Variants in ANO10 observed in about 807,000 individuals in gnomAD.
ANO10 encodes anoctamin-10.
In ANO10, 77 loss-of-function variants were observed where a neutral mutation model predicts 74.7. The observed-to-expected ratio is 1.03, with a 90% CI of 0.86 to 1.25. ANO10 has a LOEUF of 1.25. Among genes scored for constraint, ANO10 ranks in the 50% most tolerant of loss-of-function variants. The probability of loss-of-function intolerance (pLI) is 0.00; values close to 1 mark genes in which losing one functional copy is unlikely to be tolerated. For missense variants in ANO10, 721 were observed against 778.1 expected (o/e 0.93, Z 0.87); for synonymous variants, 279 against 284.9 (o/e 0.98, Z 0.21).
At chr3:43,395,143 AGGTAATTATCAG>A (rs1575653701) in intron 12 of ANO10, among the ~76,000 whole-genome samples, 1 of 152,188 alleles carries the variant, frequency 6.6e-6, no homozygotes, top group South Asian at 2.1e-4. Flanking sequence ...TGTTATTATC[AGGTAATTATCAG>A]GGTAATTATC....
intron 11 of ANO10, among the ~76,000 whole-genome samples, chr3:43,493,523 C>T (rs537614122): frequency 6.6e-6 from 1 of 151,786 alleles, no homozygotes; most frequent in South Asian, 2.1e-4. Flanking sequence ...AAAATAATGG[C>T]AACTAAACAG....
intron 11 of ANO10, among the ~76,000 whole-genome samples, chr3:43,516,168 G>A (rs966698226): frequency 6.6e-6 from 1 of 152,210 alleles, no homozygotes; most frequent in Admixed American, 6.5e-5. Flanking sequence ...TCAACTAGGG[G>A]AGAGTGAATA....
intron 1 of ANO10, among the ~76,000 whole-genome samples, chr3:43,639,546 C>G (rs922496941): frequency 6.6e-6 from 1 of 152,076 alleles, no homozygotes; most frequent in Non-Finnish European, 1.5e-5. Flanking sequence ...GGGCGGATCA[C>G]GAGGTCAGGA....
chr3:43,681,743 T>C (rs1400787262), intron 1 of ANO10, among the ~76,000 whole-genome samples: 1 of 152,150 alleles, frequency 6.6e-6, no homozygotes, highest in South Asian at 2.1e-4. Context: ...CAGACCACAG[T>C]GCAATCAAAC....
intron 9 of ANO10, among the ~76,000 whole-genome samples, chr3:43,557,199 A>T (rs1249499158): frequency 6.6e-6 from 1 of 152,096 alleles, no homozygotes; most frequent in Non-Finnish European, 1.5e-5. Flanking sequence ...AAGCCAACCG[A>T]ATGATCAAAC....
chr3:43,512,018 C>T (rs1451104024), intron 11 of ANO10, among the ~76,000 whole-genome samples: 1 of 152,216 alleles, frequency 6.6e-6, no homozygotes, highest in African/African-American at 2.4e-5. Flanking sequence ...ACAAGCTCCC[C>T]ACTGTGCTTT....
chr3:43,495,792 T>C (rs1171513099), intron 11 of ANO10, among the ~76,000 whole-genome samples: 2 of 152,072 alleles, frequency 1.3e-5, no homozygotes, highest in Admixed American at 6.6e-5. Flanking sequence ...CCTCTGCTCC[T>C]GGGTTCACAC....
intron 7 of ANO10, among the ~76,000 whole-genome samples, chr3:43,567,200 C>A (rs2080410612): frequency 6.6e-6 from 1 of 152,176 alleles, no homozygotes; most frequent in South Asian, 2.1e-4. Flanking sequence ...ACCAAATCTA[C>A]ATCTGATTGG....
intron 1 of ANO10, among the ~76,000 whole-genome samples, chr3:43,666,188 T>C (rs567281075): frequency 2.0e-4 from 30 of 152,164 alleles, no homozygotes; most frequent in Non-Finnish European, 2.9e-4. Flanking sequence ...TAAAGAATAA[T>C]TCAAAAGAAG....
chr3:43,552,295 C>T lies in ANO10; in HGVS notation c.1669-2447G>A, dbSNP rs987698372. On this transcript the variant is annotated intron_variant, in intron 10 of 12. Transcript: ENST00000292246. ...ATAGGTTGGGTATAGTGGCTCATGCCTGTAATCCTAGCACTTTGGAAGGCC... is the reference window on the plus strand; with the variant it reads ...ATAGGTTGGGTATAGTGGCTCATGCTTGTAATCCTAGCACTTTGGAAGGCC... Among the ~76,000 whole-genome samples the T allele has an allele frequency of 2.0e-5, 3 of 152,056 alleles. No individual in the cohort carries two copies. The East Asian group carries it at 5.8e-4, about 29-fold the overall frequency.
intron 9 of ANO10, among the ~76,000 whole-genome samples, chr3:43,557,193 C>T (rs1286502441): frequency 6.6e-6 from 1 of 151,602 alleles, no homozygotes; most frequent in Admixed American, 6.6e-5. Context: ...TTTACCAAGC[C>T]AACCGAATGA....
chr3:43,480,101 T>TA (rs1158793590), intron 11 of ANO10, among the ~76,000 whole-genome samples: 1 of 152,202 alleles, frequency 6.6e-6, no homozygotes, highest in Admixed American at 6.5e-5. Flanking sequence ...AAAAGAGCTC[T>TA]TGGATACTAA....
At chr3:43,466,130 T>C (rs557380431) in intron 11 of ANO10, among the ~76,000 whole-genome samples, 3 of 152,126 alleles carry the variant, frequency 2.0e-5, no homozygotes, top group South Asian at 4.2e-4. Context: ...CCAGCACCCT[T>C]GGGAGGCTGA....
chr3:43,657,639 G>A (rs1365096292), intron 1 of ANO10, among the ~76,000 whole-genome samples: 2 of 152,200 alleles, frequency 1.3e-5, no homozygotes, highest in African/African-American at 2.4e-5. Context: ...CAATCTGACT[G>A]GCGGCATCTG....
At chr3:43,596,918 A>G (rs1169819565) in intron 4 of ANO10, among the ~76,000 whole-genome samples, 3 of 152,220 alleles carry the variant, frequency 2.0e-5, no homozygotes, top group African/African-American at 7.2e-5. Flanking sequence ...AATTTACAAG[A>G]AAAAATCAAA....
At chr3:43,679,111 T>C (rs2084160450) in intron 1 of ANO10, among the ~76,000 whole-genome samples, 1 of 152,112 alleles carries the variant, frequency 6.6e-6, no homozygotes, top group Non-Finnish European at 1.5e-5. Flanking sequence ...GTGGGTGCAG[T>C]GCACCAAGTG....
chr3:43,419,847 T>C (rs2092794351), intron 12 of ANO10, among the ~76,000 whole-genome samples: 1 of 152,224 alleles, frequency 6.6e-6, no homozygotes, highest in South Asian at 2.1e-4. Context: ...TATTTTCATT[T>C]TGAGTTACAT....
At chr3:43,488,021 T>C (rs1430801202) in intron 11 of ANO10, among the ~76,000 whole-genome samples, 1 of 152,164 alleles carries the variant, frequency 6.6e-6, no homozygotes, top group Non-Finnish European at 1.5e-5. Context: ...GCCGCGTATC[T>C]ACAACTATCT....
At chr3:43,483,599 CTG>C (rs1363499219) in intron 11 of ANO10, among the ~76,000 whole-genome samples, 2 of 152,158 alleles carry the variant, frequency 1.3e-5, no homozygotes, top group African/African-American at 4.8e-5. Context: ...AAACAAAACT[CTG>C]TAAAATATCT....
Sources: gnomAD v4.1 joint callset for allele counts (sites outside exome capture counted in the v4.1 genomes callset) on GRCh38, gnomAD v4.1.1 for gene constraint, MANE v1.5 for transcripts, NCBI Gene and HGNC (gene_info 2026-07-23, HGNC 2026-07-21) for gene names.